The following CDK14 variants were observed in gnomAD, a reference collection of about 807,000 sequenced individuals.
CDK14 encodes the protein cyclin-dependent kinase 14.
Under a neutral mutation model 60.7 loss-of-function variants are expected in CDK14, and 34 were observed. The ratio of observed to expected loss-of-function variants is 0.56; its 90% confidence interval spans 0.43 to 0.75. The LOEUF is 0.75. CDK14 is among the 30% of genes least tolerant of loss of function. CDK14 has a pLI of 0.00. For synonymous variants in CDK14, 197 were observed against 203.7 expected (o/e 0.97, Z 0.28); for missense variants, 482 against 564.1 (o/e 0.85, Z 1.47).
chr7:90,789,692 A>G (rs1463427591), intron 4 of CDK14, among the ~76,000 whole-genome samples: 4 of 152,170 alleles, frequency 2.6e-5, no homozygotes, highest in Non-Finnish European at 5.9e-5. Flanking sequence ...TTGGTATCAA[A>G]GGGGATCCTG....
At chr7:90,821,712 C>A (rs1440544113) in intron 5 of CDK14, among the ~76,000 whole-genome samples, 1 of 152,178 alleles carries the variant, frequency 6.6e-6, no homozygotes, top group Non-Finnish European at 1.5e-5. Context: ...GCTTAGGGAC[C>A]TTTGGTGTAT....
chr7:90,788,552 G>A (rs372027755), intron 4 of CDK14, among the ~76,000 whole-genome samples: 1 of 152,186 alleles, frequency 6.6e-6, no homozygotes, highest in Admixed American at 6.5e-5. Flanking sequence ...CTGACCTTGA[G>A]GAGATGGTAC....
intron 12 of CDK14, among the ~76,000 whole-genome samples, chr7:91,097,867 C>G (rs1419626191): frequency 6.6e-6 from 1 of 152,130 alleles, no homozygotes; most frequent in Admixed American, 6.6e-5. Context: ...TATCTTCCCC[C>G]AGTATTTAGA....
chr7:90,811,708 A>C (rs1213917350), intron 5 of CDK14, among the ~76,000 whole-genome samples: 1 of 151,968 alleles, frequency 6.6e-6, no homozygotes, highest in South Asian at 2.1e-4. Flanking sequence ...AAATTTTCGC[A>C]ATCTACTCAT....
At chr7:91,175,104 A>C (rs1000492167) in intron 14 of CDK14, among the ~76,000 whole-genome samples, 3 of 148,270 alleles carry the variant, frequency 2.0e-5, no homozygotes, top group East Asian at 4.0e-4. Context: ...CTAACAGCGG[A>C]TCTCTCGGCA....
chr7:90,672,734 G>T (rs1259704258), intron 2 of CDK14, among the ~76,000 whole-genome samples: 1 of 151,644 alleles, frequency 6.6e-6, no homozygotes, highest in African/African-American at 2.4e-5. Context: ...ATGTTCACCA[G>T]GTTGGCCTTG....
intron 14 of CDK14, among the ~76,000 whole-genome samples, chr7:91,121,081 A>G (rs1799770257): frequency 6.6e-6 from 1 of 152,208 alleles, no homozygotes; most frequent in Admixed American, 6.5e-5. Context: ...GGCCTATTAT[A>G]TCTTGTGGAA....
chr7:90,977,133 T>A (rs1439861290), intron 9 of CDK14, among the ~76,000 whole-genome samples: 1 of 152,134 alleles, frequency 6.6e-6, no homozygotes, highest in East Asian at 1.9e-4. Context: ...GGGAATCTAG[T>A]TTTGTTCTTC....
At chr7:90,632,560 C>T (rs1328799217) in intron 2 of CDK14, 1 of 158,284 alleles carries the variant, frequency 6.3e-6, no homozygotes, top group African/African-American at 2.4e-5. Context: ...TAAAGATAAT[C>T]TGACTTCCAG....
At chr7:90,866,227 T>TACACACACAC (rs1179881138) in intron 6 of CDK14, among the ~76,000 whole-genome samples, 4 of 80,170 alleles carry the variant, frequency 5.0e-5, no homozygotes, top group Non-Finnish European at 8.0e-5. Context: ...TACACACACA[T>TACACACACAC]ACACATACAC....
intron 5 of CDK14, among the ~76,000 whole-genome samples, chr7:90,834,661 T>C (rs1045468430): frequency 1.4e-4 from 21 of 152,202 alleles, no homozygotes; most frequent in African/African-American, 4.8e-4. Context: ...CTGGACATTT[T>C]TTGATGGTAC....
intron 2 of CDK14, among the ~76,000 whole-genome samples, chr7:90,688,191 G>C (rs569584429): frequency 6.6e-6 from 1 of 152,276 alleles, no homozygotes; most frequent in South Asian, 2.1e-4. Context: ...CCTATGACCT[G>C]TTCCTACATC....
chr7:90,811,412 A>G (rs904113617), intron 5 of CDK14, among the ~76,000 whole-genome samples: 8 of 152,138 alleles, frequency 5.3e-5, no homozygotes, highest in African/African-American at 1.7e-4. Flanking sequence ...CTGGCTAGCC[A>G]TATGCAGAAA....
chr7:90,759,085 A>G (rs544596266), intron 4 of CDK14, among the ~76,000 whole-genome samples: 1 of 152,008 alleles, frequency 6.6e-6, no homozygotes, highest in African/African-American at 2.4e-5. Flanking sequence ...TAAAACAAAA[A>G]CATCCAGGTA....
At position 90,831,444 on chromosome 7, in the gene CDK14, C is replaced by T. The variant is rs185053209; in HGVS notation, c.545-31731C>T. 3.9e-5 allele frequency among the ~76,000 whole-genome samples: 6 copies of T among 152,302 alleles called. No homozygotes were observed. In the East Asian group the frequency reaches 9.7e-4, roughly 25 times the overall value. ...CAATCACCTCCCACCAGGACCCTCC[C>T]CTTGACACATGGAGATTACAGTTTG... On this transcript the variant is annotated intron_variant, in intron 5 of 14. Transcript: ENST00000380050.
intron 11 of CDK14, among the ~76,000 whole-genome samples, chr7:91,062,106 C>A (rs1349751828): frequency 6.6e-6 from 1 of 152,174 alleles, no homozygotes; most frequent in South Asian, 2.1e-4. Flanking sequence ...ATGGTGGGCA[C>A]CCCTCCCCCA....
At chr7:90,978,512 A>G (rs1242287589) in intron 9 of CDK14, among the ~76,000 whole-genome samples, 1 of 152,168 alleles carries the variant, frequency 6.6e-6, no homozygotes, top group African/African-American at 2.4e-5. Flanking sequence ...TAATGTTTAT[A>G]AAATAAAAGG....
intron 11 of CDK14, among the ~76,000 whole-genome samples, chr7:91,053,065 C>T (rs1248647519): frequency 6.6e-6 from 1 of 152,062 alleles, no homozygotes; most frequent in African/African-American, 2.4e-5. Flanking sequence ...ACCCCAAAAC[C>T]AAACAGGTCC....
At chr7:90,846,026 C>G (rs1335819853) in intron 5 of CDK14, among the ~76,000 whole-genome samples, 1 of 152,002 alleles carries the variant, frequency 6.6e-6, no homozygotes, top group Non-Finnish European at 1.5e-5. Context: ...AATAATTAAA[C>G]TCCATAAAAA....
Sources: gnomAD v4.1 joint callset for allele counts (sites outside exome capture counted in the v4.1 genomes callset) on GRCh38, gnomAD v4.1.1 for gene constraint, MANE v1.5 for transcripts, NCBI Gene and HGNC (gene_info 2026-07-23, HGNC 2026-07-21) for gene names.